Variants in KIF6 observed in about 807,000 individuals in gnomAD.
KIF6 encodes the protein kinesin family member 6, also known as kinesin-like protein KIF6.
KIF6 carries 106 observed loss-of-function variants against 112.7 expected under a neutral mutation model. The observed-to-expected ratio is 0.94, with a 90% CI of 0.80 to 1.11. KIF6 has a LOEUF of 1.11. Ranked by LOEUF, KIF6 falls within the 50% of genes least tolerant of loss-of-function variation. KIF6 has a pLI of 0.00. For synonymous variants in KIF6, 339 were observed against 339.9 expected (o/e 1.00, Z 0.03); for missense variants, 929 against 964.0 (o/e 0.96, Z 0.48).
At chr6:39,530,977 G>A (rs770778158) in intron 13 of KIF6, among the ~76,000 whole-genome samples, 1 of 151,700 alleles carries the variant, frequency 6.6e-6, no homozygotes, top group African/African-American at 2.4e-5. Flanking sequence ...TTGCTTTGCC[G>A]CCTTGATTCA....
chr6:39,575,309 T>A (rs9471130), intron 10 of KIF6, among the ~76,000 whole-genome samples: 3 of 150,806 alleles, frequency 2.0e-5, no homozygotes, highest in African/African-American at 4.9e-5. Flanking sequence ...CTCACTCTGT[T>A]GCCCAGGCCG....
In KIF6 at chr6:39,394,222, C is replaced by T. The variant is rs1243234427; in HGVS notation, c.1811-8550G>A. Among the ~76,000 whole-genome samples, 4 of 151,964 alleles carry T rather than the reference C, an allele frequency of 2.6e-5. No homozygotes were observed. The South Asian group carries it at 6.2e-4, about 24-fold the overall frequency. On this transcript the variant is annotated intron_variant, in intron 15 of 22. Coordinates refer to ENST00000287152, the MANE Select transcript of KIF6 (RefSeq NM_145027.6). ...AATAGAAAATGTACTTTAATAAAGG[C>T]GCATGATTTACGATTCACATAAAAG...
At chr6:39,402,167 G>A (rs191715912) in intron 15 of KIF6, among the ~76,000 whole-genome samples, 2 of 152,084 alleles carry the variant, frequency 1.3e-5, no homozygotes, top group Admixed American at 1.3e-4. Flanking sequence ...AGGAAGCTCT[G>A]ACATCAGAAG....
At chr6:39,544,410 A>G in intron 12 of KIF6, 145 bp downstream of exon 12, 1 of 720,396 alleles carries the variant, frequency 1.4e-6, no homozygotes, top group Non-Finnish European at 2.1e-6. Flanking sequence ...TACTTTGCTG[A>G]AGGGACCTTT....
chr6:39,709,373 G>A (rs1249440167), intron 3 of KIF6, among the ~76,000 whole-genome samples: 1 of 152,196 alleles, frequency 6.6e-6, no homozygotes, highest in Non-Finnish European at 1.5e-5. Flanking sequence ...TAAGGAGTGT[G>A]TAACCTAGAT....
At chr6:39,673,992 G>A (rs1472529455) in intron 3 of KIF6, among the ~76,000 whole-genome samples, 3 of 152,050 alleles carry the variant, frequency 2.0e-5, no homozygotes, top group East Asian at 3.8e-4. Context: ...ATTGATATGA[G>A]ACTATCTGGT....
intron 3 of KIF6, among the ~76,000 whole-genome samples, chr6:39,713,926 A>C (rs303702): frequency 0.94 from 143,555 of 152,244 alleles, 68,246 homozygotes; most frequent in East Asian, 1. Context: ...GAAAACTGGG[A>C]TCATTTAGCA....
intron 13 of KIF6, among the ~76,000 whole-genome samples, chr6:39,469,737 AT>A (rs1314888109): frequency 3.9e-5 from 6 of 152,222 alleles, no homozygotes; most frequent in Non-Finnish European, 5.9e-5. Context: ...TGATAAAAGC[AT>A]CAATCAATCC....
chr6:39,713,906 G>T (rs1789688580), intron 3 of KIF6, among the ~76,000 whole-genome samples: 1 of 152,200 alleles, frequency 6.6e-6, no homozygotes, highest in African/African-American at 2.4e-5. Flanking sequence ...GTGTACTGAT[G>T]AGCAGACTTG....
intron 6 of KIF6, among the ~76,000 whole-genome samples, chr6:39,606,618 G>T (rs1413317869): frequency 6.6e-6 from 1 of 152,102 alleles, no homozygotes; most frequent in African/African-American, 2.4e-5. Flanking sequence ...TATTTCACAT[G>T]AATAGGTCTG....
intron 16 of KIF6, among the ~76,000 whole-genome samples, chr6:39,362,859 C>T (rs1169387526): frequency 2.6e-5 from 4 of 152,262 alleles, no homozygotes; most frequent in South Asian, 2.1e-4. Context: ...TGATAAAGAG[C>T]CCTTCAGGGC....
chr6:39,538,406 G>A (rs1198866610), intron 13 of KIF6, among the ~76,000 whole-genome samples: 1 of 151,866 alleles, frequency 6.6e-6, no homozygotes, highest in African/African-American at 2.4e-5. Flanking sequence ...AGTGGGCAAA[G>A]GATATGAACA....
chr6:39,720,102 A>C (rs573122956), intron 2 of KIF6, among the ~76,000 whole-genome samples: 11 of 152,256 alleles, frequency 7.2e-5, no homozygotes, highest in Non-Finnish European at 1.0e-4. Flanking sequence ...TTACAATTTC[A>C]GCAAATAATC....
At chr6:39,552,341 C>T (rs1217091829) in intron 10 of KIF6, among the ~76,000 whole-genome samples, 2 of 152,154 alleles carry the variant, frequency 1.3e-5, no homozygotes, top group Admixed American at 1.3e-4. Context: ...TTTATTATTA[C>T]TTTCATTCAA....
chr6:39,705,791 A>C (rs2113851631), intron 3 of KIF6, among the ~76,000 whole-genome samples: 1 of 152,288 alleles, frequency 6.6e-6, no homozygotes, highest in Middle Eastern at 3.4e-3. Context: ...GTACCAGTAG[A>C]AATAAGTCCC....
At chr6:39,456,698 A>C (rs1773135592) in intron 13 of KIF6, among the ~76,000 whole-genome samples, 1 of 88,428 alleles carries the variant, frequency 1.1e-5, no homozygotes, top group Non-Finnish European at 2.0e-5. Context: ...AATGGAAAAC[A>C]AAAAAAGGCA....
intron 13 of KIF6, among the ~76,000 whole-genome samples, chr6:39,483,900 G>T (rs1774958705): frequency 1.3e-5 from 2 of 152,140 alleles, no homozygotes; most frequent in African/African-American, 2.4e-5. Context: ...AACATCTATT[G>T]AATTCTGGCC....
chr6:39,589,685 T>C (rs1434022297), intron 7 of KIF6, among the ~76,000 whole-genome samples: 1 of 152,064 alleles, frequency 6.6e-6, no homozygotes, highest in African/African-American at 2.4e-5. Context: ...GCGGGGGGCA[T>C]GGTGGCAGAG....
At chr6:39,344,568 G>A (rs576485133) in intron 21 of KIF6, among the ~76,000 whole-genome samples, 2 of 152,110 alleles carry the variant, frequency 1.3e-5, no homozygotes, top group South Asian at 4.2e-4. Flanking sequence ...CCTCTCCCTG[G>A]ACTGCCCTCC....
Sources: allele counts gnomAD v4.1 joint callset (sites outside exome capture counted in the v4.1 genomes callset), GRCh38; gene constraint gnomAD v4.1.1; transcripts MANE v1.5; gene names NCBI Gene and HGNC (gene_info 2026-07-23, HGNC 2026-07-21).